Variants in ANGPTL2 observed in about 807,000 individuals in gnomAD.
ANGPTL2 encodes angiopoietin like 2, also known as angiopoietin-related protein 2.
In ANGPTL2, 25 loss-of-function variants were observed where a neutral mutation model predicts 52.8. The observed-to-expected ratio is 0.47, with a 90% CI of 0.35 to 0.66. The LOEUF (loss-of-function observed/expected upper bound fraction) is 0.66. Ranked by LOEUF, ANGPTL2 falls within the 30% of genes least tolerant of loss-of-function variation. The pLI is 0.01. For synonymous variants in ANGPTL2, 276 were observed against 277.4 expected (o/e 1.00, Z 0.05); for missense variants, 546 against 656.9 (o/e 0.83, Z 1.84).
chr9:127,108,139 G>A lies in ANGPTL2; in HGVS notation c.593C>T (p.Ala198Val), dbSNP rs367678181. The A allele has an allele frequency of 1.6e-5, 26 of 1,613,938 alleles. No individual in the cohort carries two copies. In the Admixed American group the frequency reaches 1.7e-4, roughly 10 times the overall value. The part of the protein sequence containing the change: ...TLAHNQSEII[A>V]QLEEHCQRVP... The stretch of plus-strand genomic sequence containing the variant: ...CCTCTGGCAGTGCTCCTCAAGCTGC[G>A]CGATGATCTCTGATTGGTTGTGGGC... Residue 198 changes from alanine (A) to valine (V), a missense_variant, in exon 2 of 5, where the codon GCG becomes GTG. Ala to Val is a moderately conservative substitution (Grantham distance 64). Coordinates refer to ENST00000373425, the MANE Select transcript of ANGPTL2 (RefSeq NM_012098.3).
intron 2 of ANGPTL2, among the ~76,000 whole-genome samples, chr9:127,098,363 G>A (rs2053378228): frequency 6.6e-6 from 1 of 152,166 alleles, no homozygotes; most frequent in South Asian, 2.1e-4. Context: ...CACTAACTCG[G>A]CAGCACCTGG....
At chr9:127,116,414 C>T (rs1252150215) in intron 1 of ANGPTL2, among the ~76,000 whole-genome samples, 1 of 152,122 alleles carries the variant, frequency 6.6e-6, no homozygotes, top group Non-Finnish European at 1.5e-5. Flanking sequence ...TATTTGGGAA[C>T]CATTTTGAGA....
chr9:127,108,536 T>A lies in ANGPTL2; in HGVS notation c.196A>T (p.Thr66Ser). Reference protein sequence around the residue: ...YTFIVPQQRVTGAICVNSKEP... With the variant: ...YTFIVPQQRVSGAICVNSKEP... Reference sequence around the variant, plus strand: ...TTGGAGTTGACGCAGATGGCACCCGTGACCCGCTGCTGGGGCACAATGAAG... The same window carrying A: ...TTGGAGTTGACGCAGATGGCACCCGAGACCCGCTGCTGGGGCACAATGAAG... Residue 66 changes from threonine to serine, a missense_variant, in exon 2 of 5, where the codon ACG becomes TCG. Physicochemically the swap from Thr to Ser is moderately conservative, Grantham distance 58. Coordinates refer to ENST00000373425, the MANE Select transcript of ANGPTL2 (RefSeq NM_012098.3). The A allele has an allele frequency of 6.2e-7, 1 of 1,613,336 alleles. No homozygotes were observed.
chr9:127,098,795 A>G (rs1391993139), intron 2 of ANGPTL2, among the ~76,000 whole-genome samples: 2 of 152,140 alleles, frequency 1.3e-5, no homozygotes, highest in Non-Finnish European at 2.9e-5. Context: ...CTTTCTGGTC[A>G]AGCTGAGTTA....
chr9:127,091,608 C>T lies in ANGPTL2; in HGVS notation c.1282+62G>A. 1 of 1,566,302 alleles carries T rather than the reference C, an allele frequency of 6.4e-7. No individual in the cohort carries two copies. ...CGTTTCCAAGCCCTGGAGTCAGGGG[C>T]TCTGGCTCTGGTTGACCTCTTTTCC... is the stretch of plus-strand genomic sequence containing the variant. On this transcript the variant is annotated intron_variant, in intron 4 of 4. Coordinates refer to ENST00000373425, the MANE Select transcript of ANGPTL2 (RefSeq NM_012098.3). This position sits in a 1 kb window ranked among gnomAD's most constrained non-coding sequence, Gnocchi z 4.3.
chr9:127,114,514 C>T (rs1014630500), intron 1 of ANGPTL2, among the ~76,000 whole-genome samples: 4 of 152,168 alleles, frequency 2.6e-5, no homozygotes, highest in Non-Finnish European at 5.9e-5. Context: ...GTGCTCTTGC[C>T]GTCATTAGGC....
chr9:127,096,392 G>T (rs1490781650), intron 2 of ANGPTL2, among the ~76,000 whole-genome samples: 1 of 152,208 alleles, frequency 6.6e-6, no homozygotes, highest in Non-Finnish European at 1.5e-5. Flanking sequence ...GGAAGATCCG[G>T]CAGAAGCCTG....
rs1199015390 is a variant in ANGPTL2 at position 127,118,498 on chromosome 9, C to T, written c.-50+3817G>A. On this transcript the variant is annotated intron_variant, in intron 1 of 4. Coordinates refer to ENST00000373425, the MANE Select transcript of ANGPTL2 (RefSeq NM_012098.3). The stretch of plus-strand genomic sequence containing the variant: ...TCCACAGTGTGGTTGTCCAGGATGG[C>T]AGCAGGCTGGGGTGGAACCAGCACA... 3.9e-5 allele frequency among the ~76,000 whole-genome samples: 6 copies of T among 152,208 alleles called. No homozygotes were observed. In the East Asian group the frequency reaches 9.6e-4, roughly 24 times the overall value.
chr9:127,109,939 C>A (rs778038182), intron 1 of ANGPTL2, among the ~76,000 whole-genome samples: 1 of 152,138 alleles, frequency 6.6e-6, no homozygotes, highest in Non-Finnish European at 1.5e-5. Flanking sequence ...GTGCTAGATC[C>A]CTTCTCTTGC....
intron 2 of ANGPTL2, among the ~76,000 whole-genome samples, chr9:127,103,673 G>A (rs569167798): frequency 5.9e-5 from 9 of 152,288 alleles, no homozygotes; most frequent in African/African-American, 1.4e-4. Context: ...GGTTGGTAGC[G>A]ACAGTGTTTT....
At chr9:127,092,942 T>A (rs1336448915) in intron 3 of ANGPTL2, among the ~76,000 whole-genome samples, 2 of 152,146 alleles carry the variant, frequency 1.3e-5, no homozygotes, top group African/African-American at 4.8e-5. Flanking sequence ...GTCAGAGGCC[T>A]CAGCTGCAGT....
chr9:127,088,735 G>C lies in ANGPTL2; in HGVS notation c.*204C>G. 1.6e-6 allele frequency: 1 copy of C among 617,534 alleles called. No homozygotes were observed. The allele number at this position is 617,534 out of a possible 1,614,324, so 38.3% of individuals were successfully genotyped here. A position where few individuals can be genotyped will look rare whatever the true frequency, so the allele number is the denominator to read the frequency against. ...TCCTGGAGACATGAGGGGCTGTCTG[G>C]TGTGAAGGAAAGTAGGAGGGACAGA... On this transcript the variant is annotated 3_prime_UTR_variant, in exon 5 of 5. Coordinates refer to ENST00000373425, the MANE Select transcript of ANGPTL2 (RefSeq NM_012098.3).
chr9:127,113,057 C>G (rs1309186908), intron 1 of ANGPTL2, among the ~76,000 whole-genome samples: 1 of 152,178 alleles, frequency 6.6e-6, no homozygotes, highest in African/African-American at 2.4e-5. Context: ...TGTTACACCT[C>G]TGTGGGGCCT....
intron 1 of ANGPTL2, among the ~76,000 whole-genome samples, chr9:127,113,987 A>T (rs2055133785): frequency 6.6e-6 from 1 of 152,270 alleles, no homozygotes; most frequent in African/African-American, 2.4e-5. Context: ...CCGGCCTGGG[A>T]TCCTCTTTTG....
At chr9:127,099,256 C>G (rs767086349) in intron 2 of ANGPTL2, among the ~76,000 whole-genome samples, 12 of 152,156 alleles carry the variant, frequency 7.9e-5, no homozygotes, top group Middle Eastern at 3.2e-3. Context: ...GGAAGTTGCT[C>G]CTGTGAATAT....
chr9:127,104,263 G>A (rs1408631978), intron 2 of ANGPTL2, among the ~76,000 whole-genome samples: 1 of 152,162 alleles, frequency 6.6e-6, no homozygotes, highest in Non-Finnish European at 1.5e-5. Flanking sequence ...AGCTGCTGTT[G>A]GCGCTGTCCT....
chr9:127,105,105 G>C (rs1335957124), intron 2 of ANGPTL2, among the ~76,000 whole-genome samples: 2 of 152,160 alleles, frequency 1.3e-5, no homozygotes, highest in Non-Finnish European at 2.9e-5. Context: ...ATCTTCCACA[G>C]CTAGGCACTC....
intron 1 of ANGPTL2, among the ~76,000 whole-genome samples, chr9:127,111,615 A>G (rs768503890): frequency 5.9e-5 from 9 of 152,360 alleles, no homozygotes; most frequent in Non-Finnish European, 1.3e-4. Flanking sequence ...GTATTTATTA[A>G]TAACATCCAT....
intron 2 of ANGPTL2, among the ~76,000 whole-genome samples, chr9:127,106,554 G>A (rs1401138818): frequency 6.6e-6 from 1 of 152,188 alleles, no homozygotes; most frequent in Non-Finnish European, 1.5e-5. Context: ...GCCTCAGGGG[G>A]ACAAAGTGAC....
Sources: allele counts gnomAD v4.1 joint callset (sites outside exome capture counted in the v4.1 genomes callset), GRCh38; gene constraint gnomAD v4.1.1; non-coding constraint Gnocchi (gnomAD v3.1); transcripts MANE v1.5; gene names NCBI Gene and HGNC (gene_info 2026-07-23, HGNC 2026-07-21).